Variants in CPEB3 observed in about 807,000 individuals in gnomAD.
CPEB3 encodes cytoplasmic polyadenylation element binding protein 3.
In CPEB3, 20 loss-of-function variants were observed where a neutral mutation model predicts 67.2. That is an observed-to-expected ratio of 0.30 (90% CI 0.21 to 0.43). The LOEUF (loss-of-function observed/expected upper bound fraction) is 0.43, where lower values mean the gene tolerates loss of function less well. Among genes scored for constraint, CPEB3 ranks in the 20% least tolerant of loss-of-function variants. The pLI is 1.00. For missense variants in CPEB3, 746 were observed against 968.6 expected (o/e 0.77, Z 3.05); for synonymous variants, 376 against 393.1 (o/e 0.96, Z 0.51).
intron 4 of CPEB3, 91 bp downstream of exon 4, chr10:92,180,872 G>T: frequency 1.3e-6 from 1 of 777,344 alleles, no homozygotes; most frequent in South Asian, 1.4e-5. Flanking sequence ...TTCAGCGGAA[G>T]GTTAAAATGT....
At chr10:92,114,930 T>C (rs1410752489) in intron 6 of CPEB3, among the ~76,000 whole-genome samples, 1 of 152,254 alleles carries the variant, frequency 6.6e-6, no homozygotes, top group African/African-American at 2.4e-5. Flanking sequence ...CTGTAATAGA[T>C]AAAATTAAAG....
intron 4 of CPEB3, among the ~76,000 whole-genome samples, chr10:92,151,396 C>T (rs1846961889): frequency 6.6e-6 from 1 of 152,106 alleles, no homozygotes; most frequent in African/African-American, 2.4e-5. Flanking sequence ...AGGCATGACT[C>T]CCTCATAAAA....
chr10:92,118,716 AGCTCT>A (rs1241957938), intron 6 of CPEB3: 1 of 734,510 alleles, frequency 1.4e-6, no homozygotes, highest in East Asian at 2.6e-5. Context: ...TTTAGCCCTC[AGCTCT>A]GTATCAGAAA....
chr10:92,081,228 A>C, intron 9 of CPEB3, 92 bp downstream of exon 9: 1 of 1,331,974 alleles, frequency 7.5e-7, no homozygotes. Context: ...AGAGCTGGTC[A>C]CTTATGATCA....
chr10:92,202,687 G>A (rs1849573851), intron 2 of CPEB3, among the ~76,000 whole-genome samples: 2 of 151,472 alleles, frequency 1.3e-5, no homozygotes. Context: ...ATAGAAATAG[G>A]AAGTAGATTG....
At chr10:92,212,786 T>G (rs974039274) in intron 2 of CPEB3, among the ~76,000 whole-genome samples, 7 of 152,052 alleles carry the variant, frequency 4.6e-5, no homozygotes, top group Non-Finnish European at 8.8e-5. Flanking sequence ...AAAATTAATT[T>G]CAGCCAAGCA....
At position 92,106,814 on chromosome 10, in the gene CPEB3, C is replaced by CAA. The variant is rs531195477; in HGVS notation, c.1572+4260_1572+4261dup. Among the ~76,000 whole-genome samples, 46 of 55,978 alleles carry CAA rather than the reference C, an allele frequency of 8.2e-4. 1 individual carries two copies. The highest frequency in any genetic ancestry group is 4.7e-3 in the South Asian group (4 of 846). The allele number at this position is 55,978 out of a possible 152,430, so 36.7% of individuals were successfully genotyped here. ...TAGGCAAAAGAGCAAGACTCTGTCT[C>CAA]AAAAAAAAAAAAAAAAAAAAAAAAA... is the stretch of plus-strand genomic sequence containing the variant. On this transcript the variant is annotated intron_variant, in intron 7 of 9. Coordinates refer to ENST00000265997, the MANE Select transcript of CPEB3 (RefSeq NM_014912.5).
rs749285662 is a variant in CPEB3 at position 92,289,718 on chromosome 10, C to CAAAAAAAAAAAAAAAAAAAA, written c.-12+1207_-12+1208insTTTTTTTTTTTTTTTTTTTT. Among the ~76,000 whole-genome samples the CAAAAAAAAAAAAAAAAAAAA allele has an allele frequency of 8.4e-4, 26 of 30,948 alleles. 4 individuals are homozygous for CAAAAAAAAAAAAAAAAAAAA. Among genetic ancestry groups the CAAAAAAAAAAAAAAAAAAAA allele is most frequent in the Admixed American group, 1.2e-3 (2 of 1,636 alleles). 20.3% of individuals were successfully genotyped at this position (30,948 alleles called of 152,430 possible). On this transcript the variant is annotated intron_variant, in intron 1 of 9. Coordinates refer to ENST00000265997, the MANE Select transcript of CPEB3 (RefSeq NM_014912.5). ...CAACATGGCGAGACCGCGTCTCTAC[C>CAAAAAAAAAAAAAAAAAAAA]AAAAAAAAAAAAAAATATATATATA... is the stretch of plus-strand genomic sequence containing the variant.
At chr10:92,084,158 C>T (rs1397859360) in intron 8 of CPEB3, among the ~76,000 whole-genome samples, 1 of 121,794 alleles carries the variant, frequency 8.2e-6, no homozygotes. Context: ...GAGCAAGACT[C>T]TGTCTCAAAA....
At chr10:92,192,207 G>A (rs1590348419) in intron 3 of CPEB3, among the ~76,000 whole-genome samples, 1 of 152,118 alleles carries the variant, frequency 6.6e-6, no homozygotes, top group African/African-American at 2.4e-5. Context: ...AAACCTGGCT[G>A]CTGGTCTCAC....
chr10:92,084,729 G>A (rs1375741161), intron 8 of CPEB3, among the ~76,000 whole-genome samples: 12 of 151,994 alleles, frequency 7.9e-5, no homozygotes, highest in Non-Finnish European at 1.5e-4. Context: ...ACAGGCGCCC[G>A]CCACCACGCC....
intron 9 of CPEB3, among the ~76,000 whole-genome samples, chr10:92,080,422 G>A (rs994216883): frequency 2.0e-5 from 3 of 152,018 alleles, no homozygotes; most frequent in Admixed American, 2.0e-4. Flanking sequence ...TTACATCAGA[G>A]GTAGCACTCT....
At chr10:92,245,067 T>A (rs1210699213) in intron 1 of CPEB3, among the ~76,000 whole-genome samples, 1 of 152,150 alleles carries the variant, frequency 6.6e-6, no homozygotes, top group Non-Finnish European at 1.5e-5. Context: ...AACCACTGAT[T>A]TGCAGCATAC....
At chr10:92,229,152 T>A (rs2134537458) in intron 2 of CPEB3, among the ~76,000 whole-genome samples, 1 of 151,974 alleles carries the variant, frequency 6.6e-6, no homozygotes, top group Middle Eastern at 3.4e-3. Flanking sequence ...GCCTCCTGAG[T>A]AGCTAGAACT....
At chr10:92,236,126 A>C (rs1000207891) in intron 2 of CPEB3, among the ~76,000 whole-genome samples, 10 of 152,204 alleles carry the variant, frequency 6.6e-5, no homozygotes, top group Non-Finnish European at 1.5e-4. Context: ...TGTTGCTGAG[A>C]GGTACATCAC....
chr10:92,210,198 T>C (rs925241802), intron 2 of CPEB3, among the ~76,000 whole-genome samples: 1 of 152,140 alleles, frequency 6.6e-6, no homozygotes, highest in African/African-American at 2.4e-5. Context: ...TTCAATAGAA[T>C]TGAATAAGTT....
At chr10:92,158,501 TAC>T (rs1564825706) in intron 4 of CPEB3, among the ~76,000 whole-genome samples, 1 of 152,164 alleles carries the variant, frequency 6.6e-6, no homozygotes, top group East Asian at 1.9e-4. Flanking sequence ...TTTCTTACTA[TAC>T]ACACATTGCC....
chr10:92,179,368 C>T (rs1848366935), intron 4 of CPEB3, among the ~76,000 whole-genome samples: 1 of 152,104 alleles, frequency 6.6e-6, no homozygotes, highest in Non-Finnish European at 1.5e-5. Flanking sequence ...AAACTATATC[C>T]TCTCCCTCTT....
chr10:92,093,515 T>C (rs1843710457), intron 7 of CPEB3, among the ~76,000 whole-genome samples: 1 of 152,160 alleles, frequency 6.6e-6, no homozygotes, highest in African/African-American at 2.4e-5. Flanking sequence ...ACTTTTTTTT[T>C]TTTGGGAGAT....
Sources: gnomAD v4.1 joint callset for allele counts (sites outside exome capture counted in the v4.1 genomes callset) on GRCh38, gnomAD v4.1.1 for gene constraint, MANE v1.5 for transcripts, NCBI Gene and HGNC (gene_info 2026-07-23, HGNC 2026-07-21) for gene names.